Variants in PLA2G4C observed in about 807,000 individuals in gnomAD.
PLA2G4C encodes the protein cytosolic phospholipase A2 gamma.
PLA2G4C carries 64 observed loss-of-function variants against 73.8 expected under a neutral mutation model. The ratio of observed to expected loss-of-function variants is 0.87; its 90% confidence interval spans 0.71 to 1.07. The LOEUF (loss-of-function observed/expected upper bound fraction) is 1.07, where lower values mean the gene tolerates loss of function less well. PLA2G4C is among the 50% of genes least tolerant of loss of function. PLA2G4C has a pLI of 0.00. For synonymous variants in PLA2G4C, 254 were observed against 252.1 expected (o/e 1.01, Z -0.07); for missense variants, 622 against 665.4 (o/e 0.93, Z 0.72).
chr19:48,061,991 C>T lies in PLA2G4C; in HGVS notation c.1257+7G>A, dbSNP rs1167069514. 4.3e-6 allele frequency: 7 copies of T among 1,613,328 alleles called. No individual in the cohort carries two copies. In the East Asian group the frequency reaches 6.7e-5, roughly 15 times the overall value. ...CCAGGACCGGCCCCAAAGCCCTTCT[C>T]GATTACCTCGAAAGGATCTCCGGCA... On this transcript the variant is annotated splice_region_variant and intron_variant, in intron 14 of 16. Transcript: ENST00000599921.
In PLA2G4C at chr19:48,067,529, C is replaced by T. The variant is rs143289583; in HGVS notation, c.1102+262G>A. On this transcript the variant is annotated intron_variant, in intron 13 of 16. Coordinates refer to ENST00000599921, the MANE Select transcript of PLA2G4C (RefSeq NM_003706.3). ...GCTGACAAGAAATTAGGGTTTTTTG[C>T]ATTTTTGCAAAACCAGAGAAAGCCA... is the stretch of plus-strand genomic sequence containing the variant. Among the ~76,000 whole-genome samples the T allele has an allele frequency of 2.7e-3, 417 of 152,226 alleles. 1 individual carries two copies. The highest frequency in any genetic ancestry group is 0.027 in the Middle Eastern group (8 of 294).
chr19:48,102,320 G>A (rs7508273), intron 4 of PLA2G4C, among the ~76,000 whole-genome samples: 1,596 of 151,772 alleles, frequency 0.011, 10 homozygotes, highest in African/African-American at 0.017. Context: ...GGGAAACTCC[G>A]TCTCTACTAA....
At chr19:48,103,433 A>G (rs2032015238) in intron 4 of PLA2G4C, 1 of 152,444 alleles carries the variant, frequency 6.6e-6, no homozygotes, top group Non-Finnish European at 1.5e-5. Flanking sequence ...TCCAGCTCAG[A>G]ACCCAGCTCC....
At chr19:48,067,941 G>A (rs1968504746) in intron 12 of PLA2G4C, 55 bp from the exon 13 acceptor site, 1 of 1,242,052 alleles carries the variant, frequency 8.1e-7, no homozygotes, top group Admixed American at 1.7e-5. Context: ...AGTGGTTTCT[G>A]CCCCCACCAA....
At chr19:48,074,668 C>T (rs770399407) in intron 12 of PLA2G4C, 99 bp downstream of exon 12, 51 of 795,190 alleles carry the variant, frequency 6.4e-5, no homozygotes, top group Non-Finnish European at 1.1e-4. Context: ...CTGGTCATGT[C>T]CCCTGCAGGA....
chr19:48,099,841 T>G lies in PLA2G4C; in HGVS notation c.277A>C (p.Thr93Pro), dbSNP rs1445335776. The change falls in exon 5 of 17, where the codon ACC becomes CCC. Residue 93 changes from threonine to proline, a missense_variant. Coordinates refer to ENST00000599921, the MANE Select transcript of PLA2G4C (RefSeq NM_003706.3). The stretch of plus-strand genomic sequence containing the variant: ...AGAGCTTCCATGTCACCATCATTGG[T>G]GTAGAGAGAAGATATTGCCCTGGAG... ...GSTWAISSLY[T>P]NDGDMEALEA... The G allele has an allele frequency of 1.2e-6, 2 of 1,613,140 alleles. No individual in the cohort carries two copies. Among genetic ancestry groups the G allele is most frequent in the Non-Finnish European group, 1.7e-6 (2 of 1,179,362 alleles).
chr19:48,100,054 T>A, intron 4 of PLA2G4C, 194 bp from the exon 5 acceptor site: 1 of 488,486 alleles, frequency 2.0e-6, no homozygotes, highest in Non-Finnish European at 3.6e-6. Context: ...CTCAAAATCA[T>A]CTGGGACAAT....
intron 14 of PLA2G4C, among the ~76,000 whole-genome samples, chr19:48,059,132 G>A (rs1309312804): frequency 2.0e-5 from 3 of 151,870 alleles, no homozygotes; most frequent in Admixed American, 6.6e-5. Flanking sequence ...TTAGCTGGGT[G>A]TGGTGGCGCA....
chr19:48,068,303 CA>C (rs71181639), intron 12 of PLA2G4C, among the ~76,000 whole-genome samples: 1,909 of 75,996 alleles, frequency 0.025, 32 homozygotes, highest in African/African-American at 0.064. Context: ...GACTCCATCT[CA>C]AAAAAAAAAA....
rs111632187 is a variant in PLA2G4C, at chr19:48,094,870, T to TTTTG, written c.709+590_709+593dup. 6.9e-3 allele frequency among the ~76,000 whole-genome samples: 1,052 copies of TTTTG among 151,766 alleles called. 3 individuals carry two copies. The highest frequency in any genetic ancestry group is 0.017 in the African/African-American group (693 of 41,256). ...CTGGTGCCCAAAACACATTCTAGTT[T>TTTTG]TTTGTTTGTTTGTTTGTTTGTTTGT... On this transcript the variant is annotated intron_variant, in intron 7 of 16. Coordinates refer to ENST00000599921, the MANE Select transcript of PLA2G4C (RefSeq NM_003706.3).
chr19:48,060,428 G>C (rs1287653190), intron 14 of PLA2G4C, among the ~76,000 whole-genome samples: 1 of 152,106 alleles, frequency 6.6e-6, no homozygotes, highest in Non-Finnish European at 1.5e-5. Flanking sequence ...GTCTTTGATT[G>C]AAGTTTAACA....
intron 14 of PLA2G4C, 118 bp from the exon 15 acceptor site, chr19:48,055,167 C>T: frequency 1.1e-6 from 1 of 897,282 alleles, no homozygotes; most frequent in Non-Finnish European, 1.7e-6. Context: ...CACAACAGAG[C>T]AAGGGTCAGC....
Position 48,063,895 on chromosome 19 carries a change from C to A in PLA2G4C, c.1103-1743G>T, listed in dbSNP as rs150287834. ...CTGATCCAGACCCCAAGAAAGGGTTCTTGGATCTCATACAAGAAAGAATTC... is the reference window on the plus strand; with the variant it reads ...CTGATCCAGACCCCAAGAAAGGGTTATTGGATCTCATACAAGAAAGAATTC... On this transcript the variant is annotated intron_variant, in intron 13 of 16. Transcript: ENST00000599921. 2.3e-3 allele frequency: 353 copies of A among 152,052 alleles called. 2 individuals carry two copies. Among genetic ancestry groups the A allele is most frequent in the Middle Eastern group, 0.017 (5 of 292 alleles). The allele number at this position is 152,052 out of a possible 1,614,324, so 9.4% of individuals were successfully genotyped here.
intron 13 of PLA2G4C, among the ~76,000 whole-genome samples, chr19:48,067,590 C>A (rs752670327): frequency 6.6e-6 from 1 of 152,140 alleles, no homozygotes; most frequent in Non-Finnish European, 1.5e-5. Flanking sequence ...GGACTCGCAG[C>A]GAGGCCACAC....
Position 48,070,579 on chromosome 19 carries a change from T to A in PLA2G4C, c.1007-2693A>T, listed in dbSNP as rs779749823. Among the ~76,000 whole-genome samples the A allele has an allele frequency of 1.5e-4, 23 of 152,242 alleles. 1 individual carries two copies. Among genetic ancestry groups the A allele is most frequent in the Middle Eastern group, 3.4e-3 (1 of 294 alleles). Reference sequence around the variant, plus strand: ...TATGCAGCCAGAAAAAGGAACAAGATCATGTCCTTTGCAGGGACAGGGATG... The same window carrying A: ...TATGCAGCCAGAAAAAGGAACAAGAACATGTCCTTTGCAGGGACAGGGATG... On this transcript the variant is annotated intron_variant, in intron 12 of 16. Coordinates refer to ENST00000599921, the MANE Select transcript of PLA2G4C (RefSeq NM_003706.3).
At chr19:48,085,900 C>T (rs143668482) in intron 9 of PLA2G4C, among the ~76,000 whole-genome samples, 1 of 152,238 alleles carries the variant, frequency 6.6e-6, no homozygotes, top group African/African-American at 2.4e-5. Context: ...TAAGTAGGAG[C>T]TGTGGGAAGA....
chr19:48,092,909 G>A (rs1600233700), intron 7 of PLA2G4C, among the ~76,000 whole-genome samples: 1 of 152,128 alleles, frequency 6.6e-6, no homozygotes, highest in African/African-American at 2.4e-5. Flanking sequence ...GGTTAAAATG[G>A]CAAATTTTAT....
At chr19:48,073,542 G>T (rs1408985516) in intron 12 of PLA2G4C, among the ~76,000 whole-genome samples, 1 of 151,810 alleles carries the variant, frequency 6.6e-6, no homozygotes. Flanking sequence ...AGACATCCTA[G>T]ATGGATGGAT....
rs1327452791 is a variant in PLA2G4C at position 48,105,925 on chromosome 19, CCCTCCCTCCCTCCCTCCCTCCCTTCTTT to C, written c.9-509_9-482del. 6.0e-3 allele frequency among the ~76,000 whole-genome samples: 84 copies of C among 13,906 alleles called. 20 individuals are homozygous for C. The African/African-American group carries it at 0.072, about 12-fold the overall frequency. The allele number at this position is 13,906 out of a possible 152,430, so 9.1% of individuals were successfully genotyped here. ...TCCCTCCCTCCCTCCCTCCCTCCCT[CCCTCCCTCCCTCCCTCCCTCCCTTCTTT>C]CTTTCTTTCTTTCTTTCTTTCTTTC... On this transcript the variant is annotated intron_variant, in intron 2 of 16. Transcript: ENST00000599921.
Sources: gnomAD v4.1 joint callset for allele counts (sites outside exome capture counted in the v4.1 genomes callset) on GRCh38, gnomAD v4.1.1 for gene constraint, MANE v1.5 for transcripts, NCBI Gene and HGNC (gene_info 2026-07-23, HGNC 2026-07-21) for gene names.